The following FRMD4A variants were observed in gnomAD, a reference collection of about 807,000 sequenced individuals.
The protein encoded by FRMD4A is FERM domain containing 4A.
Under a neutral mutation model 129.1 loss-of-function variants are expected in FRMD4A, and 29 were observed. The ratio of observed to expected loss-of-function variants is 0.22; its 90% confidence interval spans 0.17 to 0.31. The LOEUF (loss-of-function observed/expected upper bound fraction) is 0.31, where lower values mean the gene tolerates loss of function less well. FRMD4A is among the 10% of genes least tolerant of loss of function. The probability of loss-of-function intolerance (pLI) is 1.00; values close to 1 mark genes in which losing one functional copy is unlikely to be tolerated. For missense variants in FRMD4A, 1,272 were observed against 1,375.8 expected (o/e 0.92, Z 1.19); for synonymous variants, 634 against 571.6 (o/e 1.11, Z -1.56).
intron 6 of FRMD4A, among the ~76,000 whole-genome samples, chr10:13,776,897 T>C (rs947694452): frequency 2.6e-5 from 4 of 152,160 alleles, no homozygotes; most frequent in African/African-American, 9.7e-5. Context: ...ACAAAGAGAA[T>C]CACAGCCAAG....
At chr10:13,924,146 GTC>G (rs2095103921) in intron 2 of FRMD4A, among the ~76,000 whole-genome samples, 1 of 152,184 alleles carries the variant, frequency 6.6e-6, no homozygotes, top group Admixed American at 6.5e-5. Flanking sequence ...TGGACATGCT[GTC>G]TCTGTTGCCC....
At chr10:13,786,633 T>A (rs770733784) in intron 5 of FRMD4A, among the ~76,000 whole-genome samples, 13 of 151,708 alleles carry the variant, frequency 8.6e-5, no homozygotes, top group Non-Finnish European at 1.5e-4. Context: ...ATCTACATCC[T>A]TTGCAAAGGG....
intron 2 of FRMD4A, among the ~76,000 whole-genome samples, chr10:14,150,214 G>C (rs1840274344): frequency 6.6e-6 from 1 of 152,144 alleles, no homozygotes; most frequent in Non-Finnish European, 1.5e-5. Flanking sequence ...TGGGGACACA[G>C]AGGCAAACCA....
chr10:14,039,712 T>C (rs1288378387), intron 2 of FRMD4A, among the ~76,000 whole-genome samples: 1 of 152,172 alleles, frequency 6.6e-6, no homozygotes, highest in East Asian at 1.9e-4. Flanking sequence ...TATCTACCTA[T>C]GACCTGTGAA....
At chr10:14,053,912 C>T (rs1405453990) in intron 2 of FRMD4A, among the ~76,000 whole-genome samples, 1 of 152,134 alleles carries the variant, frequency 6.6e-6, no homozygotes, top group Admixed American at 6.5e-5. Context: ...CCCAGCTACG[C>T]AGGAGGATCA....
intron 2 of FRMD4A, among the ~76,000 whole-genome samples, chr10:14,094,929 C>T (rs564263912): frequency 6.6e-5 from 10 of 151,872 alleles, no homozygotes; most frequent in Non-Finnish European, 1.5e-4. Context: ...TTGTGTGTGC[C>T]CATGTGTATG....
chr10:13,661,253 C>T (rs1196633031), intron 19 of FRMD4A, among the ~76,000 whole-genome samples: 5 of 152,150 alleles, frequency 3.3e-5, no homozygotes, highest in African/African-American at 7.2e-5. Context: ...TGATCTAACA[C>T]GTCAGTGCGC....
chr10:13,831,994 C>T lies in FRMD4A; in HGVS notation c.112-21086G>A, dbSNP rs147143191. Among the ~76,000 whole-genome samples the T allele has an allele frequency of 1.7e-3, 252 of 152,288 alleles. 3 individuals are homozygous for T. The highest frequency in any genetic ancestry group is 5.6e-3 in the African/African-American group (231 of 41,554). ...CACGTAATCTTCAAGACTTTCACTT[C>T]CTCTGTCAGAGTGGAGGGAAAAATC... On this transcript the variant is annotated intron_variant, in intron 3 of 24. Transcript: ENST00000357447.
At chr10:13,900,626 G>C (rs996348921) in intron 2 of FRMD4A, among the ~76,000 whole-genome samples, 1 of 152,196 alleles carries the variant, frequency 6.6e-6, no homozygotes, top group South Asian at 2.1e-4. Context: ...GCCGGGCATG[G>C]TGGCTCATGC....
At chr10:13,887,507 C>T (rs1227937753) in intron 2 of FRMD4A, among the ~76,000 whole-genome samples, 4 of 151,958 alleles carry the variant, frequency 2.6e-5, no homozygotes, top group African/African-American at 4.8e-5. Context: ...GGTGAAACCC[C>T]GTCTCTACTA....
chr10:13,998,536 C>A (rs1338016311), intron 2 of FRMD4A, among the ~76,000 whole-genome samples: 3 of 152,192 alleles, frequency 2.0e-5, no homozygotes, highest in African/African-American at 7.2e-5. Context: ...TCAAGTTTAG[C>A]ACATCACGAA....
intron 2 of FRMD4A, among the ~76,000 whole-genome samples, chr10:14,206,058 C>T (rs1842773465): frequency 1.3e-5 from 2 of 152,232 alleles, no homozygotes; most frequent in South Asian, 4.1e-4. Flanking sequence ...TGGGCCAGCC[C>T]CCTTGTCAGT....
At chr10:13,785,941 G>A (rs552875011) in intron 5 of FRMD4A, among the ~76,000 whole-genome samples, 5 of 152,210 alleles carry the variant, frequency 3.3e-5, no homozygotes, top group Admixed American at 3.3e-4. Context: ...TCCCTACAAA[G>A]CACATGAACT....
chr10:13,912,606 G>GC (rs1166170974), intron 2 of FRMD4A, among the ~76,000 whole-genome samples: 2 of 145,228 alleles, frequency 1.4e-5, no homozygotes, highest in Non-Finnish European at 3.0e-5. Flanking sequence ...TCGGCTCACT[G>GC]CAAGCTCCGC....
At chr10:14,324,184 C>A (rs1378390292) in intron 2 of FRMD4A, among the ~76,000 whole-genome samples, 3 of 152,208 alleles carry the variant, frequency 2.0e-5, no homozygotes, top group African/African-American at 7.2e-5. Flanking sequence ...AGCAAAAAAT[C>A]ATCTGAGTTA....
At chr10:14,282,537 T>C (rs1845555758) in intron 2 of FRMD4A, among the ~76,000 whole-genome samples, 1 of 152,164 alleles carries the variant, frequency 6.6e-6, no homozygotes, top group Non-Finnish European at 1.5e-5. Context: ...AACTAATAAA[T>C]TCTAATACAG....
intron 2 of FRMD4A, among the ~76,000 whole-genome samples, chr10:14,154,057 C>T (rs10159816): frequency 0.032 from 4,891 of 152,240 alleles, 96 homozygotes; most frequent in African/African-American, 0.037. Flanking sequence ...CTGAGGGACC[C>T]ATTCCCTGTC....
chr10:14,299,074 G>C (rs1846101615), intron 2 of FRMD4A, among the ~76,000 whole-genome samples: 1 of 152,336 alleles, frequency 6.6e-6, no homozygotes, highest in South Asian at 2.1e-4. Context: ...AACTGGGACA[G>C]TTCTGGGACA....
At chr10:14,262,263 T>C (rs1349736551) in intron 2 of FRMD4A, among the ~76,000 whole-genome samples, 1 of 152,170 alleles carries the variant, frequency 6.6e-6, no homozygotes, top group Non-Finnish European at 1.5e-5. Flanking sequence ...CCCGGTTATC[T>C]CTTCTCTTGG....
Sources: gnomAD v4.1 joint callset for allele counts (sites outside exome capture counted in the v4.1 genomes callset) on GRCh38, gnomAD v4.1.1 for gene constraint, MANE v1.5 for transcripts, NCBI Gene and HGNC (gene_info 2026-07-23, HGNC 2026-07-21) for gene names.